COX7B2: variants seen among roughly 807,000 people sequenced by gnomAD.
The protein encoded by COX7B2 is cytochrome c oxidase subunit 7B2, mitochondrial.
For synonymous variants in COX7B2, 37 were observed against 32.1 expected, an observed-to-expected ratio of 1.15 and a Z score of -0.51; for missense variants, 109 against 95.9, an observed-to-expected ratio of 1.14 and a Z score of -0.57.
intron 2 of COX7B2, among the ~76,000 whole-genome samples, chr4:46,771,479 A>G (rs948465828): frequency 6.6e-6 from 1 of 152,132 alleles, no homozygotes; most frequent in Non-Finnish European, 1.5e-5. Flanking sequence ...ATTTAAAGCA[A>G]ATGAAATCGG....
intron 2 of COX7B2, among the ~76,000 whole-genome samples, chr4:46,767,784 G>A (rs1227000126): frequency 6.6e-6 from 1 of 152,094 alleles, no homozygotes; most frequent in Non-Finnish European, 1.5e-5. Flanking sequence ...TTTTAACAAT[G>A]GAGACTAAAA....
chr4:46,869,754 T>A (rs776066484), intron 1 of COX7B2, among the ~76,000 whole-genome samples: 3 of 152,152 alleles, frequency 2.0e-5, no homozygotes, highest in Non-Finnish European at 4.4e-5. Context: ...GTTAGCCTGA[T>A]GGTGTTTTCT....
At chr4:46,897,351 A>G (rs1719824464) in intron 1 of COX7B2, among the ~76,000 whole-genome samples, 1 of 152,030 alleles carries the variant, frequency 6.6e-6, no homozygotes, top group Non-Finnish European at 1.5e-5. Context: ...ATCCACATCA[A>G]AAAAATCAAT....
At chr4:46,866,338 G>A (rs1325797556) in intron 1 of COX7B2, among the ~76,000 whole-genome samples, 2 of 152,100 alleles carry the variant, frequency 1.3e-5, no homozygotes, top group Non-Finnish European at 2.9e-5. Flanking sequence ...GCCTCTATTT[G>A]TGCCCTAACT....
chr4:46,841,221 G>A (rs1309446981), intron 2 of COX7B2, among the ~76,000 whole-genome samples: 1 of 151,864 alleles, frequency 6.6e-6, no homozygotes, highest in African/African-American at 2.4e-5. Flanking sequence ...TGGAGAGGTG[G>A]AATCCAGTTA....
intron 2 of COX7B2, among the ~76,000 whole-genome samples, chr4:46,838,780 C>T (rs1715713170): frequency 6.6e-6 from 1 of 152,008 alleles, no homozygotes; most frequent in Non-Finnish European, 1.5e-5. Flanking sequence ...TGGTAATGTG[C>T]TTAAATTTCC....
chr4:46,840,689 C>T (rs1330923359), intron 2 of COX7B2, among the ~76,000 whole-genome samples: 1 of 151,958 alleles, frequency 6.6e-6, no homozygotes, highest in Non-Finnish European at 1.5e-5. Context: ...TAATGCTTTT[C>T]CTGAACACTT....
chr4:46,908,172 T>C (rs553158510), intron 1 of COX7B2, among the ~76,000 whole-genome samples: 5 of 152,194 alleles, frequency 3.3e-5, no homozygotes, highest in Admixed American at 2.0e-4. Flanking sequence ...AGACTATCTA[T>C]GCCCCCTATG....
At chr4:46,830,914 C>G (rs1328866377) in intron 2 of COX7B2, among the ~76,000 whole-genome samples, 1 of 152,230 alleles carries the variant, frequency 6.6e-6, no homozygotes, top group Admixed American at 6.5e-5. Flanking sequence ...CTTGGCGCCT[C>G]CTAGGCGTCG....
intron 1 of COX7B2, chr4:46,876,832 T>C (rs1163155762): frequency 1.3e-5 from 2 of 152,234 alleles, no homozygotes; most frequent in African/African-American, 4.8e-5. Context: ...CCTTTGTCAT[T>C]ACATTACAAA....
chr4:46,864,738 G>A (rs553210701), intron 1 of COX7B2, among the ~76,000 whole-genome samples: 1 of 151,032 alleles, frequency 6.6e-6, no homozygotes, highest in African/African-American at 2.4e-5. Context: ...TCCACCTCCC[G>A]GGTTCACGCC....
chr4:46,852,718 GA>G (rs1301946690), intron 1 of COX7B2, among the ~76,000 whole-genome samples: 1 of 152,098 alleles, frequency 6.6e-6, no homozygotes, highest in African/African-American at 2.4e-5. Context: ...GGCAGAATAT[GA>G]AAAATCTGAG....
chr4:46,836,605 A>G (rs1715532506), intron 2 of COX7B2, among the ~76,000 whole-genome samples: 1 of 152,020 alleles, frequency 6.6e-6, no homozygotes, highest in African/African-American at 2.4e-5. Context: ...AAAAAAAAAG[A>G]AGGAGCACAA....
chr4:46,841,242 C>G (rs1009519642), intron 2 of COX7B2, among the ~76,000 whole-genome samples: 1 of 151,642 alleles, frequency 6.6e-6, no homozygotes, highest in Non-Finnish European at 1.5e-5. Context: ...GGAAACTATT[C>G]CAATTGTTCA....
At chr4:46,838,848 A>G (rs1212152642) in intron 2 of COX7B2, among the ~76,000 whole-genome samples, 2 of 151,886 alleles carry the variant, frequency 1.3e-5, no homozygotes, top group Non-Finnish European at 2.9e-5. Flanking sequence ...CAACCATAGA[A>G]ATTTTATTCC....
chr4:46,814,960 C>A (rs1276926475), intron 2 of COX7B2, among the ~76,000 whole-genome samples: 1 of 151,794 alleles, frequency 6.6e-6, no homozygotes, highest in Non-Finnish European at 1.5e-5. Context: ...CCGAAGTGGG[C>A]GAATCACTTC....
chr4:46,904,976 T>C (rs1251232588), intron 1 of COX7B2, among the ~76,000 whole-genome samples: 2 of 152,182 alleles, frequency 1.3e-5, no homozygotes, highest in Non-Finnish European at 2.9e-5. Context: ...TACTTATGAC[T>C]CTGAAGCCAG....
rs191423808 is a variant in COX7B2 at position 46,780,237 on chromosome 4, C to A, written c.-49-44996G>T. Among the ~76,000 whole-genome samples, 187 of 152,274 alleles carry A rather than the reference C, an allele frequency of 1.2e-3. 1 individual carries two copies. Among genetic ancestry groups the A allele is most frequent in the African/African-American group, 4.3e-3 (177 of 41,558 alleles). On this transcript the variant is annotated intron_variant, in intron 2 of 2. Coordinates refer to ENST00000355591, the MANE Select transcript of COX7B2 (RefSeq NM_130902.3). Reference sequence around the variant, plus strand: ...TGCTCAAAGTCTAAACCCCTGCTGGCCGGGCACGGTGGCTCACACCTGTAA... The same window carrying A: ...TGCTCAAAGTCTAAACCCCTGCTGGACGGGCACGGTGGCTCACACCTGTAA...
chr4:46,738,650 T>G (rs1440360196), intron 2 of COX7B2, among the ~76,000 whole-genome samples: 1 of 152,124 alleles, frequency 6.6e-6, no homozygotes, highest in Non-Finnish European at 1.5e-5. Flanking sequence ...CAGTAAGTCC[T>G]ACTCCTATTA....
Sources: allele counts gnomAD v4.1 joint callset (sites outside exome capture counted in the v4.1 genomes callset), GRCh38; gene constraint gnomAD v4.1.1; transcripts MANE v1.5; gene names NCBI Gene and HGNC (gene_info 2026-07-23, HGNC 2026-07-21).